Variants in ARHGAP9 observed in about 807,000 individuals in gnomAD.
ARHGAP9 encodes Rho GTPase activating protein 9, also known as rho GTPase-activating protein 9.
Under a neutral mutation model 87.3 loss-of-function variants are expected in ARHGAP9, and 76 were observed. The ratio of observed to expected loss-of-function variants is 0.87; its 90% CI spans 0.72 to 1.05. The LOEUF (loss-of-function observed/expected upper bound fraction) is 1.05, where lower values mean the gene tolerates loss of function less well. Among genes scored for constraint, ARHGAP9 ranks in the 50% least tolerant of loss-of-function variants. The pLI is 0.00. For missense variants in ARHGAP9, 941 were observed against 960.5 expected (o/e 0.98, Z 0.27); for synonymous variants, 382 against 394.9 (o/e 0.97, Z 0.39).
At chr12:57,484,040 C>CAAAAAA (rs746542310), upstream of ARHGAP9, 1 of 39,676 alleles carries the variant, frequency 2.5e-5, no homozygotes. Flanking sequence ...GACCCTGTCT[C>CAAAAAA]AAAAAAAAAA....
chr12:57,481,109 ACTCT>A (rs1325871961), upstream of ARHGAP9, among the ~76,000 whole-genome samples: 1 of 151,394 alleles, frequency 6.6e-6, no homozygotes, highest in African/African-American at 2.4e-5. Context: ...CTTCTCTGAA[ACTCT>A]CTCTCCTATA....
At chr12:57,478,806 T>A (rs1327563176) in intron 2 of ARHGAP9, 49 bp from the exon 3 acceptor site, 1 of 1,521,720 alleles carries the variant, frequency 6.6e-7, no homozygotes, top group Non-Finnish European at 8.9e-7. Context: ...AGAGGTGTTG[T>A]TGTAACTGGG....
chr12:57,484,351 C>CA (rs150577501), upstream of ARHGAP9, among the ~76,000 whole-genome samples: 95,001 of 137,520 alleles, frequency 0.69, 35,949 homozygotes, highest in Non-Finnish European at 0.85. Flanking sequence ...GACTCTGTCT[C>CA]AAAAAAAAAA....
At chr12:57,482,250 T>C (rs1250120872), upstream of ARHGAP9, among the ~76,000 whole-genome samples, 1 of 151,918 alleles carries the variant, frequency 6.6e-6, no homozygotes, top group Non-Finnish European at 1.5e-5. Context: ...AAAAATTTTT[T>C]TTTTTTTTGA....
upstream of ARHGAP9, among the ~76,000 whole-genome samples, chr12:57,483,443 T>C (rs916547386): frequency 9.2e-5 from 14 of 152,324 alleles, no homozygotes; most frequent in Non-Finnish European, 1.5e-4. Flanking sequence ...CAACCATTCC[T>C]GACACAGCAG....
chr12:57,486,420 C>T (rs1279915049), intron 1 of ARHGAP9, among the ~76,000 whole-genome samples: 1 of 151,786 alleles, frequency 6.6e-6, no homozygotes, highest in Non-Finnish European at 1.5e-5. Flanking sequence ...CAGGCGTGCA[C>T]CACCACACCC....
At chr12:57,478,144 G>T (rs772404806) in intron 3 of ARHGAP9, 52 of 326,916 alleles carry the variant, frequency 1.6e-4, no homozygotes, top group Non-Finnish European at 2.6e-4. Flanking sequence ...TATCAGGCAA[G>T]CAGAACACAG....
intron 3 of ARHGAP9, chr12:57,478,028 CAG>C: frequency 9.4e-7 from 1 of 1,062,592 alleles, no homozygotes; most frequent in Non-Finnish European, 1.2e-6. Flanking sequence ...TAAAAGAAGA[CAG>C]AGAAGGGTCT....
intron 1 of ARHGAP9, among the ~76,000 whole-genome samples, chr12:57,487,136 C>A (rs1875481129): frequency 6.6e-6 from 1 of 151,714 alleles, no homozygotes; most frequent in Non-Finnish European, 1.5e-5. Flanking sequence ...TGCCACCATG[C>A]CCAGCTAATT....
chr12:57,475,075 G>T, intron 12 of ARHGAP9, 102 bp from the exon 13 acceptor site: 2 of 1,284,216 alleles, frequency 1.6e-6, no homozygotes, highest in Non-Finnish European at 2.2e-6. Context: ...CCTCCTGGCT[G>T]CCTGTGCCAG....
At position 57,475,297 on chromosome 12, in the gene ARHGAP9, G is replaced by A. The variant is rs1299542853; in HGVS notation, c.1546C>T (p.Leu516Phe). The A allele has an allele frequency of 1.3e-6, 2 of 1,591,144 alleles. No homozygotes were observed. The highest frequency in any genetic ancestry group is 1.7e-6 in the Non-Finnish European group (2 of 1,167,910). The change falls in exon 12 of 18, where the codon CTC (leucine) becomes TTC (phenylalanine). Residue 516 changes from leucine (L) to phenylalanine (F), a missense_variant. Leu to Phe is a conservative substitution (Grantham distance 22, BLOSUM62 0). Transcript: ENST00000393791. The stretch of plus-strand genomic sequence containing the variant: ...CCTGGCCCAGCCCCCTCACCTCGGA[G>A]CAGACCCCGCTCCTGCAGGCTTTGT... ...PLQSLQERGL[L>F]RDQVFGCQLE...
chr12:57,482,598 G>A (rs1027091213), upstream of ARHGAP9, among the ~76,000 whole-genome samples: 2 of 152,102 alleles, frequency 1.3e-5, no homozygotes, highest in Non-Finnish European at 2.9e-5. Flanking sequence ...CCAGCTGCTC[G>A]GGAGGCTGAG....
chr12:57,475,746 C>G lies in ARHGAP9; in HGVS notation c.1311+87G>C, dbSNP rs746867883. 107 of 1,491,038 alleles carry G rather than the reference C, an allele frequency of 7.2e-5. No individual in the cohort carries two copies. The South Asian group carries it at 8.9e-4, about 12-fold the overall frequency. 92.4% of individuals were successfully genotyped at this position (1,491,038 alleles called of 1,614,324 possible). ...GCTCTCCACTGAGCCCACCCTGCCC[C>G]CAACTGCTCCTGACTCCTATCGTTC... On this transcript the variant is annotated intron_variant, in intron 10 of 17. Transcript: ENST00000393791.
Position 57,478,533 on chromosome 12 carries a change from G to C in ARHGAP9, c.534+7C>G, listed in dbSNP as rs774847700. 1.8e-5 allele frequency: 29 copies of C among 1,613,660 alleles called. No homozygotes were observed. In the Admixed American group the frequency reaches 1.8e-4, roughly 10 times the overall value. ...ACAGGGCCCAGCTCAGAAGAGCTGT[G>C]ACTCACTGTGCTGGCACTGGCTTCT... On this transcript the variant is annotated splice_region_variant and intron_variant, in intron 3 of 17. Coordinates refer to ENST00000393791, the MANE Select transcript of ARHGAP9 (RefSeq NM_032496.4).
In ARHGAP9 at chr12:57,472,274, T is replaced by C. The variant is rs1024059570; in HGVS notation, c.*243A>G. 1 of 604,358 alleles carries C rather than the reference T, an allele frequency of 1.7e-6. No homozygotes were observed. The highest frequency in any genetic ancestry group is 2.8e-6 in the Non-Finnish European group (1 of 356,282). 37.4% of individuals were successfully genotyped at this position (604,358 alleles called of 1,614,324 possible). A position where few individuals can be genotyped will look rare whatever the true frequency, so the allele number is the denominator to read the frequency against. On this transcript the variant is annotated 3_prime_UTR_variant, in exon 18 of 18. Coordinates refer to ENST00000393791, the MANE Select transcript of ARHGAP9 (RefSeq NM_032496.4). ...AGGAACTGCATCAGAAAAAATACCATGCCACTTTATGTATTATTATGTTGG... is the reference window on the plus strand; with the variant it reads ...AGGAACTGCATCAGAAAAAATACCACGCCACTTTATGTATTATTATGTTGG...
At chr12:57,488,033 G>T in intron 1 of ARHGAP9, 1 of 1,482,154 alleles carries the variant, frequency 6.7e-7, no homozygotes, top group Non-Finnish European at 9.4e-7. Context: ...CGCGGAGGCC[G>T]CTGAACTCAG....
At chr12:57,481,114 C>G (rs917506353), upstream of ARHGAP9, among the ~76,000 whole-genome samples, 12 of 152,170 alleles carry the variant, frequency 7.9e-5, no homozygotes, top group African/African-American at 2.4e-4. Flanking sequence ...CTGAAACTCT[C>G]TCTCCTATAC....
chr12:57,485,926 C>G (rs1244906274), intron 1 of ARHGAP9, among the ~76,000 whole-genome samples: 1 of 152,104 alleles, frequency 6.6e-6, no homozygotes, highest in Non-Finnish European at 1.5e-5. Flanking sequence ...CTGGGATTAG[C>G]TGGAGTTGTC....
In ARHGAP9 at chr12:57,476,641, T is replaced by C. The variant is rs1342436654; in HGVS notation, c.974A>G (p.Lys325Arg). The change falls in exon 7 of 18, where the codon AAG becomes AGG. Residue 325 changes from lysine to arginine, a missense_variant. Transcript: ENST00000393791. ...CTTGGTCATGTTGAGCAGACCCGACTTTTCCACCTCCTGGGAAGTGGAGGG... is the reference window on the plus strand; with the variant it reads ...CTTGGTCATGTTGAGCAGACCCGACCTTTCCACCTCCTGGGAAGTGGAGGG... ...QLLDDPHEVE[K>R]SGLLNMTKIA... 1.9e-6 allele frequency: 3 copies of C among 1,613,262 alleles called. No homozygotes were observed. Among genetic ancestry groups the C allele is most frequent in the Non-Finnish European group, 2.5e-6 (3 of 1,179,712 alleles).
Sources: allele counts gnomAD v4.1 joint callset (sites outside exome capture counted in the v4.1 genomes callset), GRCh38; gene constraint gnomAD v4.1.1; transcripts MANE v1.5; gene names NCBI Gene and HGNC (gene_info 2026-07-23, HGNC 2026-07-21).